Variants in IFT22 observed in about 807,000 individuals in gnomAD.
IFT22 encodes intraflagellar transport protein 22 homolog.
Under a neutral mutation model 21.0 loss-of-function variants are expected in IFT22, and 13 were observed. The observed-to-expected ratio is 0.62, with a 90% confidence interval of 0.40 to 0.98. IFT22 has a LOEUF of 0.98. Ranked by LOEUF, IFT22 falls within the 50% of genes least tolerant of loss-of-function variation. The probability of loss-of-function intolerance (pLI) is 0.00; values close to 1 mark genes in which losing one functional copy is unlikely to be tolerated. For synonymous variants in IFT22, 67 were observed against 82.4 expected, an observed-to-expected ratio of 0.81 and a Z score of 1.01; for missense variants, 227 against 228.9, an observed-to-expected ratio of 0.99 and a Z score of 0.06.
chr7:101,317,022 G>A (rs4729684), intron 3 of IFT22, among the ~76,000 whole-genome samples: 1 of 151,760 alleles, frequency 6.6e-6, no homozygotes, highest in South Asian at 2.1e-4. Flanking sequence ...GCAGTTGTGG[G>A]ATCATAGCTC....
intron 1 of IFT22, among the ~76,000 whole-genome samples, chr7:101,320,077 C>G (rs1017669973): frequency 6.6e-6 from 1 of 151,850 alleles, no homozygotes; most frequent in Non-Finnish European, 1.5e-5. Context: ...CTGCCTCAGA[C>G]TCCCGAGTCA....
At position 101,311,243 on chromosome 7, in the gene IFT22, G is replaced by A. The variant is rs1392848270; in HGVS notation, c.*3891C>T. Reference sequence around the variant, plus strand: ...CTTAACCTCGTAATCCACCCGCCTCGGCCTCCCAAAGTGCTGGGATTACAG... The same window carrying A: ...CTTAACCTCGTAATCCACCCGCCTCAGCCTCCCAAAGTGCTGGGATTACAG... On this transcript the variant is annotated 3_prime_UTR_variant, in exon 5 of 5. Transcript: ENST00000315322. Among the ~76,000 whole-genome samples, 2 of 151,960 alleles carry A rather than the reference G, an allele frequency of 1.3e-5. No individual in the cohort carries two copies. The highest frequency in any genetic ancestry group is 1.9e-4 in the East Asian group (1 of 5,194).
At chr7:101,315,624 T>A in intron 4 of IFT22, 1 of 276,012 alleles carries the variant, frequency 3.6e-6, no homozygotes, top group South Asian at 4.6e-5. Flanking sequence ...CCAGAAAAGT[T>A]CTTTCAGAAA....
At chr7:101,316,238 C>T in intron 4 of IFT22, 102 bp downstream of exon 4, 1 of 1,085,076 alleles carries the variant, frequency 9.2e-7, no homozygotes, top group South Asian at 1.3e-5. Context: ...ACAGTAGGTG[C>T]TCAGTAACTG....
chr7:101,319,160 G>T, intron 1 of IFT22, 128 bp from the exon 2 acceptor site: 1 of 802,176 alleles, frequency 1.2e-6, no homozygotes, highest in Admixed American at 2.0e-5. Context: ...GAGATCACTG[G>T]GGTGGTTACG....
chr7:101,319,698 C>T (rs1178054244), intron 1 of IFT22, among the ~76,000 whole-genome samples: 2 of 136,782 alleles, frequency 1.5e-5, no homozygotes, highest in African/African-American at 5.6e-5. Flanking sequence ...GGCTGGAGTA[C>T]AGCAATGTGA....
chr7:101,321,608 T>C (rs749305259), intron 1 of IFT22, 63 bp downstream of exon 1: 8 of 1,527,880 alleles, frequency 5.2e-6, no homozygotes, highest in Admixed American at 2.0e-5. Flanking sequence ...GGTGGGGACC[T>C]GCGCTCGCCC....
chr7:101,318,188 C>A lies in IFT22; in HGVS notation c.142G>T (p.Val48Phe). 6.2e-7 allele frequency: 1 copy of A among 1,613,352 alleles called. No individual in the cohort carries two copies. The highest frequency in any genetic ancestry group is 8.5e-7 in the Non-Finnish European group (1 of 1,179,460). Reference protein sequence around the residue: ...VRILEFENPHVTSNNKGTGCE... With the variant: ...VRILEFENPHFTSNNKGTGCE... Reference sequence around the variant, plus strand: ...CCCGTGCCTTTGTTGTTGCTGGTAACATGCGGGTTCTCAAATTCTAGGATC... The same window carrying A: ...CCCGTGCCTTTGTTGTTGCTGGTAAAATGCGGGTTCTCAAATTCTAGGATC... The change falls in exon 3 of 5, where the codon GTT becomes TTT. Residue 48 changes from valine (V) to phenylalanine (F), a missense_variant. Coordinates refer to ENST00000315322, the MANE Select transcript of IFT22 (RefSeq NM_022777.4).
chr7:101,316,454 T>C lies in IFT22; in HGVS notation c.295A>G (p.Met99Val). 2.5e-6 allele frequency: 4 copies of C among 1,614,142 alleles called. No homozygotes were observed. The highest frequency in any genetic ancestry group is 3.4e-6 in the Non-Finnish European group (4 of 1,180,030). ...ACAAAGCAGGAATACCACATCTCCA[T>C]TTCCTTCCGGTGGCTTGGGATGTCA... ...NADIPSHRKE[M>V]EMWYSCFVQQ... The change falls in exon 4 of 5, where the codon ATG becomes GTG. Residue 99 changes from methionine to valine, a missense_variant. By Grantham distance (21) the Met-to-Val change is conservative (BLOSUM62 1). Transcript: ENST00000315322.
At chr7:101,320,236 C>T (rs1790294030) in intron 1 of IFT22, among the ~76,000 whole-genome samples, 1 of 150,772 alleles carries the variant, frequency 6.6e-6, no homozygotes, top group East Asian at 2.0e-4. Flanking sequence ...GGATTAGAAG[C>T]GTGAGCCTCC....
rs1180987593 is a variant in IFT22, at chr7:101,313,336, A to G, written c.*1798T>C. 6.7e-6 allele frequency: 1 copy of G among 149,532 alleles called. No individual in the cohort carries two copies. Among genetic ancestry groups the G allele is most frequent in the African/African-American group, 2.5e-5 (1 of 40,752 alleles). The allele number at this position is 149,532 out of a possible 1,614,324, so 9.3% of individuals were successfully genotyped here. On this transcript the variant is annotated 3_prime_UTR_variant, in exon 5 of 5. Transcript: ENST00000315322. ...TGGGATTACAGGTGTGACCCACTGC[A>G]ACTGGCCAGGCACTTCAATTTTTTT...
At position 101,311,745 on chromosome 7, in the gene IFT22, C is replaced by T. The variant is rs1789983627; in HGVS notation, c.*3389G>A. 6.6e-6 allele frequency among the ~76,000 whole-genome samples: 1 copy of T among 152,206 alleles called. No homozygotes were observed. Among genetic ancestry groups the T allele is most frequent in the African/African-American group, 2.4e-5 (1 of 41,466 alleles). Reference sequence around the variant, plus strand: ...ATAACTCCATGGCTGGGTGCAGTGGCTCACACCTGTAATCCCAGCACTTTG... The same window carrying T: ...ATAACTCCATGGCTGGGTGCAGTGGTTCACACCTGTAATCCCAGCACTTTG... On this transcript the variant is annotated 3_prime_UTR_variant, in exon 5 of 5. Transcript: ENST00000315322.
chr7:101,316,460 T>G lies in IFT22; in HGVS notation c.289A>C (p.Lys97Gln). Residue 97 changes from lysine to glutamine, a missense_variant, in exon 4 of 5, where the codon AAG (lysine) becomes CAG (glutamine). By Grantham distance (53) the Lys-to-Gln change is moderately conservative. Transcript: ENST00000315322. ...VFNADIPSHR[K>Q]EMEMWYSCFV... ...CAGGAATACCACATCTCCATTTCCT[T>G]CCGGTGGCTTGGGATGTCAGCATTG... 1 of 1,614,106 alleles carries G rather than the reference T, an allele frequency of 6.2e-7. No individual in the cohort carries two copies. The highest frequency in any genetic ancestry group is 8.5e-7 in the Non-Finnish European group (1 of 1,180,026).
chr7:101,315,256 C>T lies in IFT22; in HGVS notation c.436G>A (p.Val146Met). ...LSPPLNKLKL[V>M]HSNLEDDPEE... ...GGGTCATCTTCCAGGTTTGAGTGCACCAGCTTCAGCTTGTTCAAGGGTGGC... is the reference window on the plus strand; with the variant it reads ...GGGTCATCTTCCAGGTTTGAGTGCATCAGCTTCAGCTTGTTCAAGGGTGGC... The change falls in exon 5 of 5, where the codon GTG becomes ATG. Residue 146 changes from valine (V) to methionine (M), a missense_variant. Coordinates refer to ENST00000315322, the MANE Select transcript of IFT22 (RefSeq NM_022777.4). 6.2e-7 allele frequency: 1 copy of T among 1,614,108 alleles called. No homozygotes were observed. The highest frequency in any genetic ancestry group is 8.5e-7 in the Non-Finnish European group (1 of 1,180,024).
chr7:101,317,916 G>C (rs1289815133), intron 3 of IFT22, among the ~76,000 whole-genome samples: 1 of 152,094 alleles, frequency 6.6e-6, no homozygotes, highest in East Asian at 1.9e-4. Context: ...ACATGTGCCT[G>C]CCACCAAGCC....
chr7:101,318,290 C>T (rs573395705), intron 2 of IFT22, 77 bp from the exon 3 acceptor site: 8 of 1,090,596 alleles, frequency 7.3e-6, no homozygotes, highest in South Asian at 3.8e-5. Flanking sequence ...GAGGCCAAGG[C>T]GGGCAGATCA....
rs1413281991 is a variant in IFT22 at position 101,313,908 on chromosome 7, G to A, written c.*1226C>T. ...CAGGATGTCTGTTGCCCAGGCTGGA[G>A]TATAGTGGCGCGATCTCGGCTCAGT... On this transcript the variant is annotated 3_prime_UTR_variant, in exon 5 of 5. Transcript: ENST00000315322. 1.3e-5 allele frequency: 2 copies of A among 152,198 alleles called. No individual in the cohort carries two copies. The highest frequency in any genetic ancestry group is 2.9e-5 in the Non-Finnish European group (2 of 68,058). The allele number at this position is 152,198 out of a possible 1,614,324, so 9.4% of individuals were successfully genotyped here. A position where few individuals can be genotyped will look rare whatever the true frequency, so the allele number is the denominator to read the frequency against.
rs764749471 is a variant in IFT22, at chr7:101,318,137, C to T, written c.193G>A (p.Gly65Ser). Residue 65 changes from glycine (G) to serine (S), a missense_variant, in exon 3 of 5, where the codon GGT (glycine) becomes AGT (serine). By Grantham distance (56) the Gly-to-Ser change is moderately conservative. Transcript: ENST00000315322. ...TGCEFELWDC[G>S]GDAKFESCWP... ...AAGGAAACATACTTAGCATCGCCAC[C>T]ACAGTCCCATAGCTCGAATTCACAG... 9 of 1,613,098 alleles carry T rather than the reference C, an allele frequency of 5.6e-6. 1 individual carries two copies. The highest frequency in any genetic ancestry group is 3.3e-4 in the Middle Eastern group (2 of 6,076).
chr7:101,312,533 G>GTTTTTTTTTTT lies in IFT22; in HGVS notation c.*2590_*2600dup, dbSNP rs386410832. On this transcript the variant is annotated 3_prime_UTR_variant, in exon 5 of 5. Coordinates refer to ENST00000315322, the MANE Select transcript of IFT22 (RefSeq NM_022777.4). ...TAAATATAATGTTTTGGAGAGAGTT[G>GTTTTTTTTTTT]TTTTTTTTTTTTTTTTTTTTGTGAC... Among the ~76,000 whole-genome samples, 3 of 114,606 alleles carry GTTTTTTTTTTT rather than the reference G, an allele frequency of 2.6e-5. No homozygotes were observed. The highest frequency in any genetic ancestry group is 3.4e-5 in the Non-Finnish European group (2 of 58,244). The allele number at this position is 114,606 out of a possible 152,430, so 75.2% of individuals were successfully genotyped here.
Sources: gnomAD v4.1 joint callset for allele counts (sites outside exome capture counted in the v4.1 genomes callset) on GRCh38, gnomAD v4.1.1 for gene constraint, MANE v1.5 for transcripts, NCBI Gene and HGNC (gene_info 2026-07-23, HGNC 2026-07-21) for gene names.